The following MSH3 variants were observed in gnomAD, a reference collection of about 807,000 sequenced individuals.
MSH3 encodes the protein DNA mismatch repair protein Msh3.
MSH3 carries 106 observed loss-of-function variants against 123.3 expected under a neutral mutation model. That is an observed-to-expected ratio of 0.86 (90% CI 0.73 to 1.01). The LOEUF (loss-of-function observed/expected upper bound fraction) is 1.01. Ranked by LOEUF, MSH3 falls within the 50% of genes least tolerant of loss-of-function variation. The pLI is 0.00. For missense variants in MSH3, 1,459 were observed against 1,347.6 expected, an observed-to-expected ratio of 1.08 and a Z score of -1.29; for synonymous variants, 515 against 481.4, an observed-to-expected ratio of 1.07 and a Z score of -0.91.
chr5:80,806,639 T>G (rs1033289472), intron 19 of MSH3, among the ~76,000 whole-genome samples: 1 of 152,160 alleles, frequency 6.6e-6, no homozygotes, highest in Non-Finnish European at 1.5e-5. Context: ...TATAATAACT[T>G]TTTACATCTG....
intron 8 of MSH3, among the ~76,000 whole-genome samples, chr5:80,722,746 A>C (rs1247001537): frequency 6.6e-6 from 1 of 152,240 alleles, no homozygotes; most frequent in Non-Finnish European, 1.5e-5. Flanking sequence ...ACCAGCTTTG[A>C]TAATGTGATA....
intron 19 of MSH3, among the ~76,000 whole-genome samples, chr5:80,806,497 C>A (rs1312367468): frequency 2.6e-5 from 4 of 152,190 alleles, no homozygotes; most frequent in African/African-American, 7.2e-5. Flanking sequence ...TCATCCTTTT[C>A]CCATCAGTTT....
intron 9 of MSH3, among the ~76,000 whole-genome samples, chr5:80,728,371 C>T (rs1188185141): frequency 6.6e-6 from 1 of 152,192 alleles, no homozygotes; most frequent in African/African-American, 2.4e-5. Flanking sequence ...CATATCAGTG[C>T]AGATAATTGG....
At chr5:80,703,193 C>A (rs1349941840) in intron 8 of MSH3, among the ~76,000 whole-genome samples, 1 of 152,174 alleles carries the variant, frequency 6.6e-6, no homozygotes, top group Non-Finnish European at 1.5e-5. Flanking sequence ...GTGGTTCTGA[C>A]TGAAACATTG....
intron 12 of MSH3, among the ~76,000 whole-genome samples, chr5:80,745,836 G>A (rs1361590921): frequency 2.6e-5 from 4 of 152,330 alleles, no homozygotes; most frequent in South Asian, 2.1e-4. Context: ...GCCTCACTAA[G>A]CAGATGCTGT....
At chr5:80,852,934 G>A (rs1241066008) in intron 20 of MSH3, among the ~76,000 whole-genome samples, 1 of 152,210 alleles carries the variant, frequency 6.6e-6, no homozygotes, top group East Asian at 1.9e-4. Context: ...TGAGAAAGTA[G>A]TTACCAGCAT....
intron 19 of MSH3, among the ~76,000 whole-genome samples, chr5:80,810,115 T>C (rs918104168): frequency 6.7e-6 from 1 of 149,420 alleles, no homozygotes; most frequent in African/African-American, 2.5e-5. Flanking sequence ...ATGGTAACCA[T>C]TATCCTGATG....
chr5:80,832,673 A>T (rs374838731), intron 20 of MSH3, among the ~76,000 whole-genome samples: 6 of 152,098 alleles, frequency 3.9e-5, no homozygotes, highest in African/African-American at 1.2e-4. Context: ...AACATTGTGG[A>T]TGTTAATACC....
chr5:80,687,974 A>G (rs1750130860), intron 8 of MSH3, among the ~76,000 whole-genome samples: 1 of 152,210 alleles, frequency 6.6e-6, no homozygotes, highest in Non-Finnish European at 1.5e-5. Flanking sequence ...TTAAAGAGCT[A>G]GGTGGAGAAC....
chr5:80,849,024 T>C (rs1403048674), intron 20 of MSH3, among the ~76,000 whole-genome samples: 1 of 152,152 alleles, frequency 6.6e-6, no homozygotes, highest in Non-Finnish European at 1.5e-5. Context: ...GGTACAGGCA[T>C]TGGGCAAATA....
chr5:80,746,448 G>T, intron 12 of MSH3: 1 of 483,996 alleles, frequency 2.1e-6, no homozygotes, highest in South Asian at 1.5e-5. Context: ...TTTTCTCCTT[G>T]ATTGTATTGG....
Position 80,730,877 on chromosome 5 carries a change from CAT to C in MSH3, c.1568+1929_1568+1930del, listed in dbSNP as rs35595321. Reference sequence around the variant, plus strand: ...TGGACCTGGAAAGATGTGTCCTCCTCATATATATATATATATATTTTTTTTTT... The same window carrying C: ...TGGACCTGGAAAGATGTGTCCTCCTCATATATATATATATATTTTTTTTTT... On this transcript the variant is annotated intron_variant, in intron 10 of 23. Transcript: ENST00000265081. 5.3e-3 allele frequency among the ~76,000 whole-genome samples: 693 copies of C among 131,520 alleles called. 11 individuals carry two copies. Among genetic ancestry groups the C allele is most frequent in the African/African-American group, 0.018 (631 of 35,752 alleles). 86.3% of individuals were successfully genotyped at this position (131,520 alleles called of 152,430 possible). A position where few individuals can be genotyped will look rare whatever the true frequency, so the allele number is the denominator to read the frequency against.
chr5:80,867,315 C>T (rs1746121022), intron 22 of MSH3, among the ~76,000 whole-genome samples: 1 of 152,206 alleles, frequency 6.6e-6, no homozygotes, highest in Admixed American at 6.5e-5. Flanking sequence ...TGCAGCTCTT[C>T]CTGGCATCAT....
intron 8 of MSH3, among the ~76,000 whole-genome samples, chr5:80,704,334 C>CT (rs1402577042): frequency 6.6e-6 from 1 of 152,104 alleles, no homozygotes; most frequent in Non-Finnish European, 1.5e-5. Context: ...GAAAACAATA[C>CT]TGGAATTCAG....
intron 21 of MSH3, among the ~76,000 whole-genome samples, chr5:80,862,773 T>A (rs1580097156): frequency 6.6e-6 from 1 of 152,020 alleles, no homozygotes; most frequent in South Asian, 2.1e-4. Flanking sequence ...AAAAAAAAAA[T>A]TTGTTAATTC....
chr5:80,811,510 T>C (rs1187871027), intron 19 of MSH3, among the ~76,000 whole-genome samples: 1 of 152,186 alleles, frequency 6.6e-6, no homozygotes, highest in Non-Finnish European at 1.5e-5. Context: ...GAAATTGGTC[T>C]GTAATTTTTC....
intron 20 of MSH3, among the ~76,000 whole-genome samples, chr5:80,833,639 C>T (rs1325115522): frequency 6.6e-6 from 1 of 152,194 alleles, no homozygotes; most frequent in Non-Finnish European, 1.5e-5. Flanking sequence ...GATGGGGTTT[C>T]ACCATGTTGG....
At chr5:80,679,881 C>T (rs903431118) in intron 8 of MSH3, among the ~76,000 whole-genome samples, 4 of 152,162 alleles carry the variant, frequency 2.6e-5, no homozygotes, top group East Asian at 1.9e-4. Context: ...GGGGCTTCAG[C>T]GAAGTAGACT....
chr5:80,712,763 G>T (rs1750884360), intron 8 of MSH3, among the ~76,000 whole-genome samples: 1 of 148,878 alleles, frequency 6.7e-6, no homozygotes. Context: ...TGTTTTCTTT[G>T]CATCTTTTTT....
Sources: allele counts gnomAD v4.1 joint callset (sites outside exome capture counted in the v4.1 genomes callset), GRCh38; gene constraint gnomAD v4.1.1; transcripts MANE v1.5; gene names NCBI Gene and HGNC (gene_info 2026-07-23, HGNC 2026-07-21).